The following API5 variants were observed in gnomAD, a reference collection of about 807,000 sequenced individuals.
API5 encodes FIF.
API5 carries 6 observed loss-of-function variants against 71.9 expected under a neutral mutation model. The observed-to-expected ratio is 0.08, with a 90% CI of 0.05 to 0.16. The LOEUF (loss-of-function observed/expected upper bound fraction) is 0.16, where lower values mean the gene tolerates loss of function less well. Ranked by LOEUF, API5 falls within the 10% of genes least tolerant of loss-of-function variation. The pLI, the probability that API5 is intolerant of heterozygous loss-of-function variation, is 1.00. For missense variants in API5, 332 were observed against 612.8 expected (o/e 0.54, Z 4.84); for synonymous variants, 189 against 221.3 (o/e 0.85, Z 1.30).
intron 13 of API5, among the ~76,000 whole-genome samples, chr11:43,338,364 C>T (rs1435537929): frequency 6.6e-6 from 1 of 152,140 alleles, no homozygotes; most frequent in Non-Finnish European, 1.5e-5. Flanking sequence ...CATTCATAAA[C>T]ATATACCCAC....
At chr11:43,338,515 T>TA (rs139789613) in intron 13 of API5, among the ~76,000 whole-genome samples, 8,593 of 148,826 alleles carry the variant, frequency 0.058, 283 homozygotes, top group African/African-American at 0.096. Flanking sequence ...AGCAGTGAAT[T>TA]AAAAAAAAAA....
At chr11:43,320,742 A>G (rs572111762) in intron 2 of API5, 79 bp from the exon 3 acceptor site, 30 of 1,274,948 alleles carry the variant, frequency 2.4e-5, no homozygotes, top group African/African-American at 4.5e-5. Context: ...AAAAAAAAAA[A>G]AAAGAAAGAA....
chr11:43,339,501 C>T lies in API5; in HGVS notation c.1493-2927C>T, dbSNP rs1046772887. On this transcript the variant is annotated intron_variant, in intron 13 of 13. Transcript: ENST00000531273. ...ACTTCGATCAGTTTTCTTCATGGGA[C>T]GACACCTTTGAGGACCATTTCTCTG... is the stretch of plus-strand genomic sequence containing the variant. 5 of 152,186 alleles carry T rather than the reference C, an allele frequency of 3.3e-5. 1 individual carries two copies. The highest frequency in any genetic ancestry group is 6.8e-3 in the Middle Eastern group (2 of 292). The allele number at this position is 152,186 out of a possible 1,614,324, so 9.4% of individuals were successfully genotyped here. A position where few individuals can be genotyped will look rare whatever the true frequency, so the allele number is the denominator to read the frequency against.
At chr11:43,318,609 T>C in intron 1 of API5, 31 bp from the exon 2 acceptor site, 1 of 1,606,658 alleles carries the variant, frequency 6.2e-7, no homozygotes, top group Non-Finnish European at 8.5e-7. Context: ...TTCAAAATCA[T>C]GTGTCTTTCC....
At chr11:43,335,156 G>C in intron 11 of API5, 122 bp from the exon 12 acceptor site, 1 of 707,624 alleles carries the variant, frequency 1.4e-6, no homozygotes, top group South Asian at 1.6e-5. Flanking sequence ...TTAATTTTCT[G>C]TTGCAGTAAG....
At chr11:43,329,589 T>C (rs574370821) in intron 9 of API5, among the ~76,000 whole-genome samples, 1 of 152,354 alleles carries the variant, frequency 6.6e-6, no homozygotes, top group South Asian at 2.1e-4. Flanking sequence ...TGGCAAATAG[T>C]AGGTATTAGT....
rs1428979391 is a variant in API5 at position 43,321,493 on chromosome 11, T to C, written c.391+17T>C. The C allele has an allele frequency of 4.4e-6, 7 of 1,578,978 alleles. No homozygotes were observed. The South Asian group carries it at 6.7e-5, about 15-fold the overall frequency. On this transcript the variant is annotated intron_variant, in intron 4 of 13. Transcript: ENST00000531273. ...ATGCAAAAGGTAAGGCCAGTTCTTA[T>C]TCTGAATTGTGTTTGATGTCTTACA...
chr11:43,329,618 T>TTAA lies in API5; in HGVS notation c.1128-341_1128-339dup, dbSNP rs533661364. 4.8e-3 allele frequency among the ~76,000 whole-genome samples: 724 copies of TTAA among 152,356 alleles called. 7 individuals carry two copies. The highest frequency in any genetic ancestry group is 0.016 in the African/African-American group (685 of 41,578). ...TATTAGTAAACTGTAGCTGTTGTTA[T>TTAA]TAATAATACCTTAGTGTTACTGGAG... On this transcript the variant is annotated intron_variant, in intron 9 of 13. Transcript: ENST00000531273.
chr11:43,341,069 A>G lies in API5; in HGVS notation c.1493-1359A>G, dbSNP rs192995311. Among the ~76,000 whole-genome samples the G allele has an allele frequency of 1.5e-3, 228 of 152,358 alleles. 1 individual carries two copies. Among genetic ancestry groups the G allele is most frequent in the Non-Finnish European group, 1.4e-3 (96 of 68,028 alleles). Reference sequence around the variant, plus strand: ...TTCAGAATATAGAAGATATTCAAACATCTTAATAGCAAAACAAATCTAGAT... The same window carrying G: ...TTCAGAATATAGAAGATATTCAAACGTCTTAATAGCAAAACAAATCTAGAT... On this transcript the variant is annotated intron_variant, in intron 13 of 13. Transcript: ENST00000531273.
chr11:43,318,586 T>A, intron 1 of API5, 54 bp from the exon 2 acceptor site: 1 of 1,596,254 alleles, frequency 6.3e-7, no homozygotes, highest in Non-Finnish European at 8.5e-7. Context: ...GTCTTTTACT[T>A]TGCTTCCCAT....
chr11:43,323,703 C>T, intron 6 of API5, 67 bp downstream of exon 6: 5 of 1,464,064 alleles, frequency 3.4e-6, no homozygotes, highest in Non-Finnish European at 4.7e-6. Flanking sequence ...CTCACTTTAA[C>T]ATTCCCCTTA....
chr11:43,322,325 A>G (rs1854923241), intron 5 of API5, among the ~76,000 whole-genome samples, 189 bp downstream of exon 5: 1 of 152,124 alleles, frequency 6.6e-6, no homozygotes, highest in African/African-American at 2.4e-5. Context: ...GTAATGATGA[A>G]TCAATTTGGT....
At chr11:43,328,609 A>G in intron 8 of API5, 103 bp from the exon 9 acceptor site, 2 of 1,047,992 alleles carry the variant, frequency 1.9e-6, no homozygotes, top group Non-Finnish European at 2.7e-6. Context: ...GGTAGTTTTT[A>G]ATGCTCCATG....
At chr11:43,323,861 C>T (rs1053898470) in intron 6 of API5, among the ~76,000 whole-genome samples, 4 of 152,086 alleles carry the variant, frequency 2.6e-5, no homozygotes, top group Non-Finnish European at 4.4e-5. Flanking sequence ...TTCCTTTGAG[C>T]GTGATGTTTG....
chr11:43,325,270 G>A (rs966527760), intron 6 of API5, among the ~76,000 whole-genome samples: 2 of 152,196 alleles, frequency 1.3e-5, no homozygotes, highest in Non-Finnish European at 2.9e-5. Context: ...TAAAGTTGAA[G>A]CAAGAACAAA....
chr11:43,323,419 C>G lies in API5; in HGVS notation c.544-11C>G. 6.2e-7 allele frequency: 1 copy of G among 1,606,988 alleles called. No individual in the cohort carries two copies. Among genetic ancestry groups the G allele is most frequent in the Non-Finnish European group, 8.5e-7 (1 of 1,173,676 alleles). ...TGAACATACTCTTATTCTGAATTGTCTCTTTTCCAGGTCCTAGAAGATGTG... is the reference window on the plus strand; with the variant it reads ...TGAACATACTCTTATTCTGAATTGTGTCTTTTCCAGGTCCTAGAAGATGTG... On this transcript the variant is annotated splice_polypyrimidine_tract_variant and intron_variant, in intron 5 of 13. Transcript: ENST00000531273.
In API5 at chr11:43,335,756, CT is replaced by C. The variant is rs1303829906; in HGVS notation, c.1356-99del. 4.6e-5 allele frequency: 59 copies of C among 1,281,714 alleles called. No homozygotes were observed. The East Asian group carries it at 1.3e-3, about 29-fold the overall frequency. 79.4% of individuals were successfully genotyped at this position (1,281,714 alleles called of 1,614,324 possible). ...TCCTTTTTTCTGATGAGATTATCCT[CT>C]TTAGGATGTCTTTCCTAACTGATAT... On this transcript the variant is annotated intron_variant, in intron 12 of 13. Coordinates refer to ENST00000531273, the MANE Select transcript of API5 (RefSeq NM_001142930.2).
intron 11 of API5, among the ~76,000 whole-genome samples, chr11:43,333,473 G>A (rs932764050): frequency 1.3e-5 from 2 of 152,124 alleles, no homozygotes; most frequent in Non-Finnish European, 2.9e-5. Flanking sequence ...CATAAACTGA[G>A]GTGCTAAAAA....
At position 43,322,124 on chromosome 11, in the gene API5, T is replaced by C; in HGVS notation, c.531T>C (p.Thr177=). The C allele has an allele frequency of 6.2e-7, 1 of 1,600,834 alleles. No individual in the cohort carries two copies. Among genetic ancestry groups the C allele is most frequent in the South Asian group, 1.1e-5 (1 of 88,480 alleles). The change falls in exon 5 of 14, where the codon ACT becomes ACC. Residue 177 remains threonine (T), a synonymous_variant. Transcript: ENST00000531273. The part of the protein sequence containing the change: ...LTKEVEELIL[T]ESKKVLEDVT... ...AGGAAGTGGAAGAGCTTATACTAAC[T>C]GAATCCAAAAAGGTGAGCTTTGGTC... is the stretch of plus-strand genomic sequence containing the variant.
Sources: gnomAD v4.1 joint callset for allele counts (sites outside exome capture counted in the v4.1 genomes callset) on GRCh38, gnomAD v4.1.1 for gene constraint, MANE v1.5 for transcripts, NCBI Gene and HGNC (gene_info 2026-07-23, HGNC 2026-07-21) for gene names.